The following MACROD2 variants were observed in gnomAD, a reference collection of about 807,000 sequenced individuals.
The protein encoded by MACROD2 is ADP-ribose glycohydrolase MACROD2.
A neutral mutation model predicts 70.4 loss-of-function variants in MACROD2; 36 were observed. The ratio of observed to expected loss-of-function variants is 0.51; its 90% confidence interval spans 0.39 to 0.68. MACROD2 has a LOEUF of 0.68. Ranked by LOEUF, MACROD2 falls within the 30% of genes least tolerant of loss-of-function variation. The probability of loss-of-function intolerance (pLI) is 0.00; values close to 1 mark genes in which losing one functional copy is unlikely to be tolerated. For missense variants in MACROD2, 496 were observed against 538.4 expected, an observed-to-expected ratio of 0.92 and a Z score of 0.78; for synonymous variants, 172 against 178.8, an observed-to-expected ratio of 0.96 and a Z score of 0.30.
intron 8 of MACROD2, among the ~76,000 whole-genome samples, chr20:15,848,936 C>T (rs1156529251): frequency 6.6e-6 from 1 of 152,140 alleles, no homozygotes; most frequent in Non-Finnish European, 1.5e-5. Context: ...GATCTACCGT[C>T]TAGCTGAGGG....
At chr20:14,497,691 A>G (rs1051865180) in intron 4 of MACROD2, among the ~76,000 whole-genome samples, 1 of 151,800 alleles carries the variant, frequency 6.6e-6, no homozygotes, top group Non-Finnish European at 1.5e-5. Flanking sequence ...GGTTCCTGAC[A>G]GAGTGGTAAC....
At chr20:14,663,565 T>C (rs537579150) in intron 4 of MACROD2, among the ~76,000 whole-genome samples, 23 of 149,516 alleles carry the variant, frequency 1.5e-4, no homozygotes, top group African/African-American at 4.0e-4. Context: ...CATGCACACA[T>C]ATATATATAT....
intron 8 of MACROD2, among the ~76,000 whole-genome samples, chr20:15,827,501 A>G (rs1291784037): frequency 6.6e-6 from 1 of 152,202 alleles, no homozygotes; most frequent in Non-Finnish European, 1.5e-5. Context: ...AAATTGCAAG[A>G]AGTTTCTTCA....
At chr20:15,705,977 T>C (rs757863667) in intron 8 of MACROD2, among the ~76,000 whole-genome samples, 1 of 152,202 alleles carries the variant, frequency 6.6e-6, no homozygotes, top group South Asian at 2.1e-4. Flanking sequence ...ATTATCCAAG[T>C]CATTTTAAAA....
intron 8 of MACROD2, among the ~76,000 whole-genome samples, chr20:15,595,723 G>A (rs983559698): frequency 6.6e-5 from 10 of 152,138 alleles, no homozygotes; most frequent in African/African-American, 1.9e-4. Flanking sequence ...ACAAATAGAA[G>A]TTAAAGTGGG....
chr20:15,495,738 T>G (rs1255737574), intron 7 of MACROD2, among the ~76,000 whole-genome samples: 1 of 152,176 alleles, frequency 6.6e-6, no homozygotes, highest in Non-Finnish European at 1.5e-5. Flanking sequence ...TCTATTAAGG[T>G]TATTAATCAC....
chr20:15,927,591 GT>G (rs2147305508), intron 10 of MACROD2, among the ~76,000 whole-genome samples: 1 of 152,230 alleles, frequency 6.6e-6, no homozygotes, highest in African/African-American at 2.4e-5. Context: ...GTGTGAGCGT[GT>G]AAAGGCCTGG....
At chr20:14,440,710 GA>G (rs1032935918) in intron 3 of MACROD2, among the ~76,000 whole-genome samples, 9 of 152,154 alleles carry the variant, frequency 5.9e-5, no homozygotes, top group Admixed American at 2.6e-4. Context: ...GTGGAAAAGG[GA>G]AAACCATTGC....
At chr20:14,582,355 T>C (rs1981086775) in intron 4 of MACROD2, among the ~76,000 whole-genome samples, 1 of 152,136 alleles carries the variant, frequency 6.6e-6, no homozygotes, top group African/African-American at 2.4e-5. Flanking sequence ...CCTATCCCCA[T>C]GTTATCTGTT....
intron 3 of MACROD2, among the ~76,000 whole-genome samples, chr20:14,302,458 A>G (rs1016105381): frequency 1.3e-5 from 2 of 152,206 alleles, no homozygotes; most frequent in African/African-American, 4.8e-5. Flanking sequence ...AATTCTGCCT[A>G]CCACAGAGAG....
At chr20:15,954,714 T>C (rs921631533) in intron 12 of MACROD2, among the ~76,000 whole-genome samples, 1 of 152,194 alleles carries the variant, frequency 6.6e-6, no homozygotes, top group African/African-American at 2.4e-5. Flanking sequence ...TTCCTGCCTT[T>C]CAAGGAATTT....
rs1366112034 is a variant in MACROD2 at position 15,869,621 on chromosome 20, T to C, written c.727+6795T>C. Reference sequence around the variant, plus strand: ...CATAAAACATGTATAACAAGTGTTTTGTAGTTAGAACTAGGTAAACTTAAT... The same window carrying C: ...CATAAAACATGTATAACAAGTGTTTCGTAGTTAGAACTAGGTAAACTTAAT... On this transcript the variant is annotated intron_variant, in intron 9 of 17. Coordinates refer to ENST00000684519, the MANE Select transcript of MACROD2 (RefSeq NM_001351661.2). 2.0e-5 allele frequency among the ~76,000 whole-genome samples: 3 copies of C among 152,074 alleles called. No homozygotes were observed. In the East Asian group the frequency reaches 5.8e-4, roughly 29 times the overall value.
At position 14,291,708 on chromosome 20, in the gene MACROD2, A is replaced by C. The variant is rs542692921; in HGVS notation, c.272-201771A>C. Among the ~76,000 whole-genome samples, 200 of 152,028 alleles carry C rather than the reference A, an allele frequency of 1.3e-3. 2 individuals are homozygous for C. Among genetic ancestry groups the C allele is most frequent in the Admixed American group, 2.7e-3 (41 of 15,270 alleles). On this transcript the variant is annotated intron_variant, in intron 3 of 17. Coordinates refer to ENST00000684519, the MANE Select transcript of MACROD2 (RefSeq NM_001351661.2). ...TTTGTCCACACCCTGTTAACATTCC[A>C]CATGTAAGTACTGAAAAAGTACTGC...
chr20:16,012,960 T>A (rs547404537), intron 15 of MACROD2, among the ~76,000 whole-genome samples: 3 of 152,278 alleles, frequency 2.0e-5, no homozygotes, highest in African/African-American at 7.2e-5. Context: ...AGCGGATGGA[T>A]CACGAGGTCA....
intron 8 of MACROD2, among the ~76,000 whole-genome samples, chr20:15,687,008 T>TC (rs2146870403): frequency 1.4e-5 from 1 of 69,196 alleles, no homozygotes; most frequent in East Asian, 6.1e-4. Flanking sequence ...TTTTTTTTTC[T>TC]TTTTTTTTTG....
At chr20:15,494,861 A>G (rs1345409435) in intron 7 of MACROD2, among the ~76,000 whole-genome samples, 1 of 152,128 alleles carries the variant, frequency 6.6e-6, no homozygotes, top group African/African-American at 2.4e-5. Context: ...TTTATCGTAT[A>G]AGTCAACTTT....
intron 5 of MACROD2, among the ~76,000 whole-genome samples, chr20:15,135,559 A>G (rs373063567): frequency 2.2e-5 from 3 of 137,850 alleles, no homozygotes; most frequent in Admixed American, 7.5e-5. Flanking sequence ...TTGATGGGAC[A>G]TATCTCAAAA....
rs145762896 is a variant in MACROD2, at chr20:14,790,316, G to A, written c.418+105357G>A. 9.7e-4 allele frequency among the ~76,000 whole-genome samples: 147 copies of A among 152,062 alleles called. 2 individuals are homozygous for A. The highest frequency in any genetic ancestry group is 3.4e-3 in the African/African-American group (139 of 41,438). The stretch of plus-strand genomic sequence containing the variant: ...CTTTTGTCAGATTTTATTGCTTTAG[G>A]CCAAAGGTCAATCCAAGGCCCAGGG... On this transcript the variant is annotated intron_variant, in intron 5 of 17. Coordinates refer to ENST00000684519, the MANE Select transcript of MACROD2 (RefSeq NM_001351661.2).
At chr20:15,834,471 A>T (rs954327966) in intron 8 of MACROD2, among the ~76,000 whole-genome samples, 1 of 152,086 alleles carries the variant, frequency 6.6e-6, no homozygotes. Flanking sequence ...ATCAAATCCT[A>T]TGGTTTTCAT....
Sources: gnomAD v4.1 joint callset for allele counts (sites outside exome capture counted in the v4.1 genomes callset) on GRCh38, gnomAD v4.1.1 for gene constraint, MANE v1.5 for transcripts, NCBI Gene and HGNC (gene_info 2026-07-23, HGNC 2026-07-21) for gene names.